CFAP54: variants seen among roughly 807,000 people sequenced by gnomAD.
The protein encoded by CFAP54 is cilia- and flagella-associated protein 54.
A neutral mutation model predicts 370.4 loss-of-function variants in CFAP54; 290 were observed. The observed-to-expected ratio is 0.78, with a 90% CI of 0.71 to 0.86. The LOEUF (loss-of-function observed/expected upper bound fraction) is 0.86. CFAP54 is among the 40% of genes least tolerant of loss of function. CFAP54 has a pLI of 0.00. For missense variants in CFAP54, 3,399 were observed against 3,528.7 expected (o/e 0.96, Z 0.93); for synonymous variants, 1,206 against 1,236.5 (o/e 0.98, Z 0.52).
chr12:96,637,444 C>A (rs1290789587), intron 32 of CFAP54, among the ~76,000 whole-genome samples: 1 of 152,118 alleles, frequency 6.6e-6, no homozygotes, highest in Non-Finnish European at 1.5e-5. Context: ...TGTTCCTTTT[C>A]TAACTTTCAA....
At chr12:96,515,782 A>G (rs138205332) in intron 5 of CFAP54, among the ~76,000 whole-genome samples, 3 of 152,206 alleles carry the variant, frequency 2.0e-5, no homozygotes, top group African/African-American at 4.8e-5. Context: ...GGTGGGCACT[A>G]GCATCATCAT....
chr12:96,669,318 A>G (rs1188349458), intron 39 of CFAP54, among the ~76,000 whole-genome samples: 1 of 152,248 alleles, frequency 6.6e-6, no homozygotes, highest in Non-Finnish European at 1.5e-5. Context: ...AAATGATCAC[A>G]TTGGCATTCT....
Position 96,680,179 on chromosome 12 carries a change from A to G in CFAP54, c.5716+427A>G, listed in dbSNP as rs1233712602. Among the ~76,000 whole-genome samples, 4 of 152,378 alleles carry G rather than the reference A, an allele frequency of 2.6e-5. No individual in the cohort carries two copies. The East Asian group carries it at 7.7e-4, about 29-fold the overall frequency. ...GAAATGGGTACCTTTTAAAGCAAGC[A>G]TCAACAAGATTTCTTATTAATACTA... On this transcript the variant is annotated intron_variant, in intron 40 of 67. Transcript: ENST00000524981.
chr12:96,536,181 A>G (rs117408740), intron 12 of CFAP54, among the ~76,000 whole-genome samples: 3,858 of 152,276 alleles, frequency 0.025, 68 homozygotes, highest in Non-Finnish European at 0.039. Context: ...TGCACCTCCT[A>G]CTTATAAGTG....
intron 30 of CFAP54, 99 bp from the exon 31 acceptor site, chr12:96,629,994 T>C (rs1276851064): frequency 7.7e-6 from 4 of 518,862 alleles, no homozygotes; most frequent in Non-Finnish European, 1.3e-5. Flanking sequence ...TTTTAGATAT[T>C]CTTGTATACT....
intron 36 of CFAP54, among the ~76,000 whole-genome samples, chr12:96,657,524 A>G (rs1344029756): frequency 6.6e-6 from 1 of 152,246 alleles, no homozygotes; most frequent in Non-Finnish European, 1.5e-5. Flanking sequence ...GTTGTCCAAT[A>G]TGGTAAACAT....
chr12:96,561,554 T>C (rs1955816450), intron 17 of CFAP54, among the ~76,000 whole-genome samples: 1 of 152,122 alleles, frequency 6.6e-6, no homozygotes. Flanking sequence ...TTTTGCTTTC[T>C]CTACCCCCAG....
chr12:96,553,476 A>C (rs1301056887), intron 15 of CFAP54, among the ~76,000 whole-genome samples: 1 of 90,300 alleles, frequency 1.1e-5, no homozygotes, highest in African/African-American at 3.6e-5. Context: ...ACAGTTAACT[A>C]TATATATAGT....
At chr12:96,596,171 T>C (rs1183048877) in intron 25 of CFAP54, among the ~76,000 whole-genome samples, 1 of 152,196 alleles carries the variant, frequency 6.6e-6, no homozygotes, top group African/African-American at 2.4e-5. Flanking sequence ...ACATTAGCTA[T>C]ATCAATGCAT....
intron 39 of CFAP54, among the ~76,000 whole-genome samples, chr12:96,675,545 C>G (rs1957196118): frequency 6.6e-6 from 1 of 152,160 alleles, no homozygotes; most frequent in South Asian, 2.1e-4. Flanking sequence ...CCTTAGGGAT[C>G]TAGAACTAGA....
intron 3 of CFAP54, among the ~76,000 whole-genome samples, chr12:96,506,513 T>G (rs572651305): frequency 5.3e-5 from 8 of 151,886 alleles, no homozygotes; most frequent in Non-Finnish European, 1.2e-4. Context: ...ATTGTTTCCA[T>G]TTTAGTTTTT....
At position 96,679,594 on chromosome 12, in the gene CFAP54, T is replaced by A. The variant is rs772103340; in HGVS notation, c.5564-6T>A. ...TCCCCAATATTCCGCTTTTCTTTCC[T>A]TTCAGAATACAGCCGAGCCAAAGCG... On this transcript the variant is annotated splice_region_variant and splice_polypyrimidine_tract_variant and intron_variant, in intron 39 of 67. Transcript: ENST00000524981. 1 of 1,608,378 alleles carries A rather than the reference T, an allele frequency of 6.2e-7. No individual in the cohort carries two copies. The highest frequency in any genetic ancestry group is 1.7e-5 in the Admixed American group (1 of 59,188).
chr12:96,554,897 CTTAAGTTTTCAGATAAAT>C (rs1343790694), intron 17 of CFAP54, 95 bp downstream of exon 17: 132 of 1,205,532 alleles, frequency 1.1e-4, no homozygotes, highest in Non-Finnish European at 1.2e-4. Flanking sequence ...TTCTTGTTGA[CTTAAGTTTTCAGATAAAT>C]TTCATTTTTT....
At chr12:96,645,401 A>G (rs1477959679) in intron 33 of CFAP54, 4 of 285,342 alleles carry the variant, frequency 1.4e-5, no homozygotes, top group Non-Finnish European at 2.8e-5. Context: ...AGGGATGTGA[A>G]GGACCTCTTC....
intron 26 of CFAP54, among the ~76,000 whole-genome samples, chr12:96,611,100 C>T (rs1956353182): frequency 6.6e-6 from 1 of 152,200 alleles, no homozygotes; most frequent in South Asian, 2.1e-4. Flanking sequence ...TCAAGTGGGT[C>T]CGTGACCCCT....
intron 60 of CFAP54, among the ~76,000 whole-genome samples, chr12:96,770,048 A>G (rs1958444846): frequency 6.6e-6 from 1 of 152,162 alleles, no homozygotes; most frequent in African/African-American, 2.4e-5. Flanking sequence ...CTCTACTATT[A>G]TCTTCTGTTT....
chr12:96,645,181 G>C, intron 33 of CFAP54: 1 of 456,590 alleles, frequency 2.2e-6, no homozygotes, highest in Non-Finnish European at 4.4e-6. Flanking sequence ...CTTACTGAGT[G>C]TCTTTGGCTA....
chr12:96,846,994 C>G (rs979333319), intron 66 of CFAP54, among the ~76,000 whole-genome samples: 1 of 152,134 alleles, frequency 6.6e-6, no homozygotes, highest in Non-Finnish European at 1.5e-5. Flanking sequence ...GTGAGACTTC[C>G]CTCACTTCAG....
At chr12:96,669,781 C>T (rs1957123377) in intron 39 of CFAP54, among the ~76,000 whole-genome samples, 3 of 152,178 alleles carry the variant, frequency 2.0e-5, no homozygotes, top group Admixed American at 2.0e-4. Context: ...GTTGGATATA[C>T]TAATGCGGCA....
Sources: allele counts gnomAD v4.1 joint callset (sites outside exome capture counted in the v4.1 genomes callset), GRCh38; gene constraint gnomAD v4.1.1; transcripts MANE v1.5; gene names NCBI Gene and HGNC (gene_info 2026-07-23, HGNC 2026-07-21).